The following SHISA9 variants were observed in gnomAD, a reference collection of about 807,000 sequenced individuals.
SHISA9 encodes the protein protein shisa-9.
Under a neutral mutation model 38.0 loss-of-function variants are expected in SHISA9, and 13 were observed. The observed-to-expected ratio is 0.34, with a 90% CI of 0.22 to 0.54. The LOEUF (loss-of-function observed/expected upper bound fraction) is 0.54, where lower values mean the gene tolerates loss of function less well. Ranked by LOEUF, SHISA9 falls within the 20% of genes least tolerant of loss-of-function variation. The pLI, the probability that SHISA9 is intolerant of heterozygous loss-of-function variation, is 0.91. For missense variants in SHISA9, 538 were observed against 575.8 expected, an observed-to-expected ratio of 0.93 and a Z score of 0.67; for synonymous variants, 275 against 242.0, an observed-to-expected ratio of 1.14 and a Z score of -1.27.
intron 2 of SHISA9, among the ~76,000 whole-genome samples, chr16:13,006,611 G>A (rs545053983): frequency 6.6e-6 from 1 of 152,208 alleles, no homozygotes; most frequent in African/African-American, 2.4e-5. Context: ...CACAATAGGT[G>A]CTTACCAAAT....
At chr16:13,070,542 G>T (rs1240467823) in intron 2 of SHISA9, among the ~76,000 whole-genome samples, 1 of 152,308 alleles carries the variant, frequency 6.6e-6, no homozygotes, top group Admixed American at 6.5e-5. Flanking sequence ...CTCAGCCTGG[G>T]AAGGAATTCC....
chr16:12,938,901 T>A (rs968660446), intron 2 of SHISA9, among the ~76,000 whole-genome samples: 2 of 152,218 alleles, frequency 1.3e-5, no homozygotes, highest in African/African-American at 4.8e-5. Context: ...GAAAACACAT[T>A]GAGGGCAGCA....
At chr16:12,957,756 G>A (rs1382347983) in intron 2 of SHISA9, among the ~76,000 whole-genome samples, 3 of 152,064 alleles carry the variant, frequency 2.0e-5, no homozygotes, top group African/African-American at 7.3e-5. Flanking sequence ...TCTTCTCACA[G>A]TTCTTGAGGC....
the SHISA9 span, among the ~76,000 whole-genome samples, chr16:13,513,634 C>A: frequency 2.6e-5 from 4 of 152,180 alleles, no homozygotes; most frequent in African/African-American, 9.7e-5. Flanking sequence ...GGTACATACA[C>A]ACCACGGAAT....
chr16:13,020,936 T>C (rs944177698), intron 2 of SHISA9, among the ~76,000 whole-genome samples: 5 of 152,220 alleles, frequency 3.3e-5, no homozygotes, highest in African/African-American at 1.2e-4. Context: ...GACCACATAA[T>C]ATCTCCCCAG....
chr16:12,934,546 T>G (rs2071504199), intron 2 of SHISA9, among the ~76,000 whole-genome samples: 1 of 152,202 alleles, frequency 6.6e-6, no homozygotes, highest in African/African-American at 2.4e-5. Context: ...GAGAAGACTT[T>G]GAAGAAAGCT....
In SHISA9 at chr16:12,951,220, C is replaced by CAAAAA. The variant is rs1567350239; in HGVS notation, c.691+34405_691+34406insAAAAA. Among the ~76,000 whole-genome samples the CAAAAA allele has an allele frequency of 3.9e-5, 3 of 77,670 alleles. 1 individual carries two copies. The highest frequency in any genetic ancestry group is 1.6e-4 in the Admixed American group (1 of 6,144). The allele number at this position is 77,670 out of a possible 152,430, so 51.0% of individuals were successfully genotyped here. ...TGGGTGACAGAGCAAGACTCCTTCT[C>CAAAAA]CAAAAAAAAAAAAAAAAAAAAAAAA... On this transcript the variant is annotated intron_variant, in intron 2 of 4. Coordinates refer to ENST00000558583, the MANE Select transcript of SHISA9 (RefSeq NM_001145204.3).
chr16:13,451,619 G>T, the SHISA9 span, among the ~76,000 whole-genome samples: 1 of 152,116 alleles, frequency 6.6e-6, no homozygotes, highest in African/African-American at 2.4e-5. Flanking sequence ...CACATAAAGG[G>T]CAAGAGAGAG....
chr16:13,396,414 C>G, the SHISA9 span, among the ~76,000 whole-genome samples: 1 of 152,074 alleles, frequency 6.6e-6, no homozygotes, highest in Non-Finnish European at 1.5e-5. Context: ...GGCTGAGGCA[C>G]GAGAATCACT....
the SHISA9 span, among the ~76,000 whole-genome samples, chr16:13,538,191 G>A: frequency 2.2e-3 from 330 of 152,224 alleles, 2 homozygotes; most frequent in South Asian, 3.7e-3. Context: ...CTTGGAATGG[G>A]ACTAAAAAGC....
At chr16:13,232,083 A>G (rs2051336813) in intron 4 of SHISA9, among the ~76,000 whole-genome samples, 1 of 152,208 alleles carries the variant, frequency 6.6e-6, no homozygotes, top group South Asian at 2.1e-4. Flanking sequence ...AGAAACAGAC[A>G]TGGTTCCTGC....
the SHISA9 span, among the ~76,000 whole-genome samples, chr16:13,260,554 T>A: frequency 6.6e-6 from 1 of 152,136 alleles, no homozygotes; most frequent in Non-Finnish European, 1.5e-5. Context: ...AATGTCACCT[T>A]TACTCCAGTT....
intron 2 of SHISA9, among the ~76,000 whole-genome samples, chr16:13,095,070 G>A (rs1392672475): frequency 6.6e-6 from 1 of 152,156 alleles, no homozygotes; most frequent in South Asian, 2.1e-4. Flanking sequence ...AGGTTAAATG[G>A]TCTGTCAAAT....
chr16:13,351,490 G>C, the SHISA9 span, among the ~76,000 whole-genome samples: 1 of 152,168 alleles, frequency 6.6e-6, no homozygotes, highest in East Asian at 1.9e-4. Flanking sequence ...TGCAAAGGAA[G>C]GAAGCCAGGA....
At chr16:13,170,155 A>G (rs1203081377) in intron 2 of SHISA9, among the ~76,000 whole-genome samples, 1 of 149,760 alleles carries the variant, frequency 6.7e-6, no homozygotes, top group Non-Finnish European at 1.5e-5. Context: ...GTGAGCTGAG[A>G]TCGTGCCATT....
chr16:13,520,509 G>A, the SHISA9 span, among the ~76,000 whole-genome samples: 1 of 150,968 alleles, frequency 6.6e-6, no homozygotes, highest in African/African-American at 2.4e-5. Context: ...AGGCTGAGGT[G>A]GGAGAATCAC....
intron 2 of SHISA9, among the ~76,000 whole-genome samples, chr16:12,960,415 G>T (rs1596551022): frequency 6.6e-6 from 1 of 152,042 alleles, no homozygotes; most frequent in East Asian, 1.9e-4. Context: ...CCCGTTAGTG[G>T]ATATTTACTC....
Position 13,034,014 on chromosome 16 carries a change from C to T in SHISA9, c.691+117199C>T, listed in dbSNP as rs754530576. Among the ~76,000 whole-genome samples the T allele has an allele frequency of 3.3e-5, 5 of 151,968 alleles. No individual in the cohort carries two copies. The East Asian group carries it at 5.8e-4, about 18-fold the overall frequency. On this transcript the variant is annotated intron_variant, in intron 2 of 4. Coordinates refer to ENST00000558583, the MANE Select transcript of SHISA9 (RefSeq NM_001145204.3). ...TATGAAGATTAGCCAGGTGTGGTGG[C>T]GCATGCCTGTAATGCAGCTACTCGG...
chr16:13,418,557 C>G, the SHISA9 span, among the ~76,000 whole-genome samples: 2 of 152,124 alleles, frequency 1.3e-5, no homozygotes, highest in South Asian at 2.1e-4. Context: ...ACATGGACTT[C>G]CCCCCAGTAT....
Sources: gnomAD v4.1 joint callset for allele counts (sites outside exome capture counted in the v4.1 genomes callset) on GRCh38, gnomAD v4.1.1 for gene constraint, MANE v1.5 for transcripts, NCBI Gene and HGNC (gene_info 2026-07-23, HGNC 2026-07-21) for gene names.